The following PNPLA8 variants were observed in gnomAD, a reference collection of about 807,000 sequenced individuals.
The protein encoded by PNPLA8 is calcium-independent phospholipase A2-gamma.
Under a neutral mutation model 76.9 loss-of-function variants are expected in PNPLA8, and 39 were observed. The observed-to-expected ratio is 0.51, with a 90% CI of 0.39 to 0.66. The LOEUF (loss-of-function observed/expected upper bound fraction) is 0.66. Among genes scored for constraint, PNPLA8 ranks in the 30% least tolerant of loss-of-function variants. The pLI is 0.00. For synonymous variants in PNPLA8, 301 were observed against 307.9 expected (o/e 0.98, Z 0.24); for missense variants, 887 against 918.0 (o/e 0.97, Z 0.44).
At chr7:108,521,399 T>C (rs1199192453) in intron 2 of PNPLA8, 77 bp downstream of exon 2, 1 of 231,758 alleles carries the variant, frequency 4.3e-6, no homozygotes, top group Non-Finnish European at 7.1e-6. Flanking sequence ...AAAAAGCCTT[T>C]GAAGGTAAAC....
chr7:108,505,869 C>T (rs112858923), intron 4 of PNPLA8, among the ~76,000 whole-genome samples: 394 of 151,990 alleles, frequency 2.6e-3, no homozygotes, highest in African/African-American at 7.2e-3. Flanking sequence ...GAGTTACAAC[C>T]GTAATATATT....
intron 9 of PNPLA8, among the ~76,000 whole-genome samples, chr7:108,486,250 T>G (rs1860729468): frequency 6.6e-6 from 1 of 152,118 alleles, no homozygotes; most frequent in Non-Finnish European, 1.5e-5. Flanking sequence ...TTTCACTAAT[T>G]GGCATAACTG....
intron 9 of PNPLA8, among the ~76,000 whole-genome samples, chr7:108,485,367 T>C (rs1374896159): frequency 6.6e-6 from 1 of 152,154 alleles, no homozygotes; most frequent in Non-Finnish European, 1.5e-5. Context: ...AATCTTCTTC[T>C]TATAGTCAAA....
intron 4 of PNPLA8, among the ~76,000 whole-genome samples, chr7:108,513,760 C>T (rs557569665): frequency 3.9e-5 from 6 of 152,050 alleles, no homozygotes; most frequent in African/African-American, 9.6e-5. Flanking sequence ...CTTTCAAATA[C>T]GAAAGGACCA....
chr7:108,482,450 C>G (rs1489378610), intron 9 of PNPLA8, among the ~76,000 whole-genome samples: 1 of 152,168 alleles, frequency 6.6e-6, no homozygotes, highest in Non-Finnish European at 1.5e-5. Context: ...CCGGCCTGGG[C>G]ACCAGAGTGA....
rs768636308 is a variant in PNPLA8 at position 108,514,524 on chromosome 7, T to C, written c.968A>G (p.Glu323Gly). ...LKYDSKSQSE[E>G]QEEPAKTDQA... ...ATCAGTTTTAGCAGGCTCTTCCTGT[T>C]CTTCTGACTGACTCTTTGAATCATA... Residue 323 changes from glutamate to glycine, a missense_variant, in exon 3 of 11, where the codon GAA becomes GGA. Physicochemically the swap from Glu to Gly is moderately conservative, Grantham distance 98. Coordinates refer to ENST00000257694, the MANE Select transcript of PNPLA8 (RefSeq NM_001256007.3). The C allele has an allele frequency of 6.2e-7, 1 of 1,613,972 alleles. No homozygotes were observed. Among genetic ancestry groups the C allele is most frequent in the South Asian group, 1.1e-5 (1 of 91,086 alleles).
In PNPLA8 at chr7:108,526,029, C is replaced by G; in HGVS notation, c.-130G>C. The G allele has an allele frequency of 1.0e-6, 1 of 985,178 alleles. No homozygotes were observed. The highest frequency in any genetic ancestry group is 1.2e-6 in the Non-Finnish European group (1 of 829,598). 61.0% of individuals were successfully genotyped at this position (985,178 alleles called of 1,614,324 possible). A position where few individuals can be genotyped will look rare whatever the true frequency, so the allele number is the denominator to read the frequency against. The stretch of plus-strand genomic sequence containing the variant: ...CCCCTGTCCCCTCGCGGCTACTTAC[C>G]GGGATGCAGGCCGCAGTCACTAGGG... On this transcript the variant is annotated splice_region_variant and 5_prime_UTR_variant, in exon 1 of 11. Coordinates refer to ENST00000257694, the MANE Select transcript of PNPLA8 (RefSeq NM_001256007.3).
intron 2 of PNPLA8, 112 bp from the exon 3 acceptor site, chr7:108,515,686 A>C (rs1448699668): frequency 2.2e-6 from 1 of 463,542 alleles, no homozygotes; most frequent in African/African-American, 2.0e-5. Flanking sequence ...AAAAAAGCAG[A>C]CAAAATATTC....
Position 108,514,424 on chromosome 7 carries a change from TG to T in PNPLA8, c.1056+11del. 1.9e-6 allele frequency: 3 copies of T among 1,593,390 alleles called. No individual in the cohort carries two copies. The highest frequency in any genetic ancestry group is 2.6e-6 in the Non-Finnish European group (3 of 1,170,968). On this transcript the variant is annotated intron_variant, in intron 3 of 10. Transcript: ENST00000257694. ...AAAGTAATAGAACCGAAAAGCACAC[TG>T]AACAACTTGCCTTTTCTCGCTGAAG...
intron 9 of PNPLA8, among the ~76,000 whole-genome samples, chr7:108,482,300 A>G (rs6955152): frequency 0.3 from 45,504 of 151,956 alleles, 7,382 homozygotes; most frequent in African/African-American, 0.39. Context: ...GTGAAACCTC[A>G]TCTCTACTAA....
At chr7:108,502,419 G>C (rs1862019980) in intron 5 of PNPLA8, 72 bp downstream of exon 5, 12 of 1,364,690 alleles carry the variant, frequency 8.8e-6, no homozygotes, top group Non-Finnish European at 1.2e-5. Context: ...CTCCAGCCTG[G>C]GCAACAGAGG....
At chr7:108,511,674 G>A (rs970407004) in intron 4 of PNPLA8, among the ~76,000 whole-genome samples, 2 of 152,136 alleles carry the variant, frequency 1.3e-5, no homozygotes. Context: ...TAAGTGACTT[G>A]GAGAAATAGT....
chr7:108,513,754 C>T (rs1165557112), intron 4 of PNPLA8, among the ~76,000 whole-genome samples: 3 of 151,970 alleles, frequency 2.0e-5, no homozygotes, highest in African/African-American at 7.2e-5. Flanking sequence ...TTTAGACTTT[C>T]AAATACGAAA....
intron 8 of PNPLA8, among the ~76,000 whole-genome samples, chr7:108,488,752 T>A (rs1383024045): frequency 3.3e-5 from 5 of 152,228 alleles, no homozygotes; most frequent in Non-Finnish European, 7.3e-5. Context: ...GGGTAATGTT[T>A]ATTAAAAAAC....
Position 108,497,537 on chromosome 7 carries a change from G to A in PNPLA8, c.1399C>T (p.Leu467Phe). The change falls in exon 6 of 11, where the codon CTT becomes TTT. Residue 467 changes from leucine (L) to phenylalanine (F), a missense_variant. By Grantham distance (22) the Leu-to-Phe change is conservative. Transcript: ENST00000257694. ...AGCTGATGAACTGGCTTCTGAGTAAGTTCAACTAATTTTCGTAGGGTCTGG... is the reference window on the plus strand; with the variant it reads ...AGCTGATGAACTGGCTTCTGAGTAAATTCAACTAATTTTCGTAGGGTCTGG... ...ALQTLRKLVE[L>F]TQKPVHQLFD... is the part of the protein sequence containing the mutation. 6.2e-7 allele frequency: 1 copy of A among 1,612,212 alleles called. No individual in the cohort carries two copies. The highest frequency in any genetic ancestry group is 2.2e-5 in the East Asian group (1 of 44,764).
At chr7:108,496,439 C>G in intron 7 of PNPLA8, 145 bp downstream of exon 7, 1 of 534,130 alleles carries the variant, frequency 1.9e-6, no homozygotes, top group Non-Finnish European at 3.1e-6. Context: ...GTGGTTATCT[C>G]TAATTAGTCA....
Position 108,514,158 on chromosome 7 carries a change from C to T in PNPLA8, c.1192G>A (p.Gly398Arg), listed in dbSNP as rs1239477359. The stretch of plus-strand genomic sequence containing the variant: ...TTAGAAATTACCTTGACAGCCACTC[C>T]TTTTCCTTCAGGAAATTCTAGAAGA... ...FHLLEFPEGK[G>R]VAVKERIIPY... is the part of the protein sequence containing the mutation. The change falls in exon 4 of 11, where the codon GGA (glycine) becomes AGA (arginine). Residue 398 changes from glycine to arginine, a missense_variant. Transcript: ENST00000257694. The T allele has an allele frequency of 1.2e-6, 2 of 1,604,458 alleles. No homozygotes were observed. Among genetic ancestry groups the T allele is most frequent in the East Asian group, 2.2e-5 (1 of 44,812 alleles).
At chr7:108,518,758 T>TATATATATATACAC (rs1554690263) in intron 2 of PNPLA8, among the ~76,000 whole-genome samples, 1 of 123,078 alleles carries the variant, frequency 8.1e-6, no homozygotes, top group African/African-American at 3.1e-5. Flanking sequence ...TATATATATA[T>TATATATATATACAC]ACACACACAC....
Position 108,515,406 on chromosome 7 carries a change from A to G in PNPLA8, c.86T>C (p.Leu29Pro). Reference protein sequence around the residue: ...SVCGKQRSKQLYFLFSPKHYW... With the variant: ...SVCGKQRSKQPYFLFSPKHYW... ...ATGCTTAGGTGAGAACAAGAAATACAGTTGCTTGCTTCTCTGCTTCCCACA... is the reference window on the plus strand; with the variant it reads ...ATGCTTAGGTGAGAACAAGAAATACGGTTGCTTGCTTCTCTGCTTCCCACA... The change falls in exon 3 of 11, where the codon CTG (leucine) becomes CCG (proline). Residue 29 changes from leucine to proline, a missense_variant. Physicochemically the swap from Leu to Pro is moderately conservative, Grantham distance 98. Coordinates refer to ENST00000257694, the MANE Select transcript of PNPLA8 (RefSeq NM_001256007.3). 1 of 1,611,658 alleles carries G rather than the reference A, an allele frequency of 6.2e-7. No individual in the cohort carries two copies. The highest frequency in any genetic ancestry group is 8.5e-7 in the Non-Finnish European group (1 of 1,178,904).
Sources: allele counts gnomAD v4.1 joint callset (sites outside exome capture counted in the v4.1 genomes callset), GRCh38; gene constraint gnomAD v4.1.1; transcripts MANE v1.5; gene names NCBI Gene and HGNC (gene_info 2026-07-23, HGNC 2026-07-21).